The following C2CD5 variants were observed in gnomAD, a reference collection of about 807,000 sequenced individuals.
C2CD5 encodes C2 calcium dependent domain containing 5.
In C2CD5, 109 loss-of-function variants were observed where a neutral mutation model predicts 130.3. The ratio of observed to expected loss-of-function variants is 0.84; its 90% CI spans 0.72 to 0.98. The LOEUF (loss-of-function observed/expected upper bound fraction) is 0.98, where lower values mean the gene tolerates loss of function less well. C2CD5 is among the 50% of genes least tolerant of loss of function. C2CD5 has a pLI of 0.00. For missense variants in C2CD5, 996 were observed against 1,261.8 expected, an observed-to-expected ratio of 0.79 and a Z score of 3.19; for synonymous variants, 454 against 429.2, an observed-to-expected ratio of 1.06 and a Z score of -0.71.
intron 15 of C2CD5, among the ~76,000 whole-genome samples, chr12:22,475,802 A>G (rs1018573182): frequency 5.3e-5 from 8 of 152,160 alleles, no homozygotes. Flanking sequence ...TCTGCCCTCT[A>G]TAAAGTTAAC....
At chr12:22,491,309 T>C (rs1490386258) in intron 11 of C2CD5, among the ~76,000 whole-genome samples, 2 of 152,156 alleles carry the variant, frequency 1.3e-5, no homozygotes, top group Non-Finnish European at 2.9e-5. Flanking sequence ...CCTGTGGCCT[T>C]CTTTTTTTTG....
intron 3 of C2CD5, among the ~76,000 whole-genome samples, chr12:22,529,686 A>C (rs1463206624): frequency 6.6e-6 from 1 of 152,220 alleles, no homozygotes; most frequent in African/African-American, 2.4e-5. Flanking sequence ...ATGCACTGCC[A>C]AAAGACTGCA....
At chr12:22,492,837 C>A (rs1946521433) in intron 11 of C2CD5, among the ~76,000 whole-genome samples, 2 of 152,064 alleles carry the variant, frequency 1.3e-5, no homozygotes, top group African/African-American at 4.8e-5. Context: ...AGACACATTG[C>A]AATTCGTTTA....
chr12:22,542,367 A>G lies in C2CD5; in HGVS notation c.90+1694T>C, dbSNP rs1017479351. The stretch of plus-strand genomic sequence containing the variant: ...TTGGAGGCTGCAGTGACCTGCATTC[A>G]GCTTCCTTGTCGCTCCTTATAAATA... On this transcript the variant is annotated intron_variant, in intron 2 of 26. Transcript: ENST00000446597. 5.3e-5 allele frequency among the ~76,000 whole-genome samples: 8 copies of G among 152,374 alleles called. 1 individual carries two copies. The highest frequency in any genetic ancestry group is 3.9e-4 in the Admixed American group (6 of 15,312).
Position 22,535,250 on chromosome 12 carries a change from A to G in C2CD5, c.177+8T>C. On this transcript the variant is annotated splice_region_variant and intron_variant, in intron 3 of 26. Coordinates refer to ENST00000446597, the MANE Select transcript of C2CD5 (RefSeq NM_001286176.2). Reference sequence around the variant, plus strand: ...TACACTCAAAAATGCTGACATTTAAAAACTTACCTCAAATTTAAACCACTC... The same window carrying G: ...TACACTCAAAAATGCTGACATTTAAGAACTTACCTCAAATTTAAACCACTC... 6.5e-7 allele frequency: 1 copy of G among 1,531,688 alleles called. No individual in the cohort carries two copies. Among genetic ancestry groups the G allele is most frequent in the Non-Finnish European group, 9.0e-7 (1 of 1,106,850 alleles). 94.9% of individuals were successfully genotyped at this position (1,531,688 alleles called of 1,614,324 possible).
At chr12:22,527,280 A>G (rs1271943066) in intron 4 of C2CD5, among the ~76,000 whole-genome samples, 3 of 150,150 alleles carry the variant, frequency 2.0e-5, no homozygotes, top group Admixed American at 2.0e-4. Context: ...ACTATTATTT[A>G]TTTTTAAAAA....
chr12:22,494,307 T>A (rs183300770), intron 10 of C2CD5, among the ~76,000 whole-genome samples: 1 of 152,126 alleles, frequency 6.6e-6, no homozygotes, highest in Non-Finnish European at 1.5e-5. Flanking sequence ...TAAGCTCTCA[T>A]TGTAATTTTT....
intron 26 of C2CD5, among the ~76,000 whole-genome samples, chr12:22,452,007 G>A (rs1478373621): frequency 1.3e-5 from 2 of 152,150 alleles, no homozygotes; most frequent in Non-Finnish European, 2.9e-5. Flanking sequence ...CTGAGGCATA[G>A]AGATAAGTTC....
chr12:22,531,043 T>C (rs1157170208), intron 3 of C2CD5, among the ~76,000 whole-genome samples: 2 of 152,174 alleles, frequency 1.3e-5, no homozygotes, highest in Non-Finnish European at 2.9e-5. Context: ...GGGGAAAGGC[T>C]ATCAAAATAA....
chr12:22,488,873 TGC>T (rs1945966641), intron 12 of C2CD5, among the ~76,000 whole-genome samples: 1 of 151,070 alleles, frequency 6.6e-6, no homozygotes. Context: ...AGAATTTTTT[TGC>T]TTTTTTTTTT....
At chr12:22,467,927 TAGAG>T (rs1942361318) in intron 22 of C2CD5, among the ~76,000 whole-genome samples, 1 of 152,186 alleles carries the variant, frequency 6.6e-6, no homozygotes, top group Non-Finnish European at 1.5e-5. Context: ...AAGGCAAACT[TAGAG>T]AGCTGAAATC....
chr12:22,471,977 T>G lies in C2CD5; in HGVS notation c.2258A>C (p.Asn753Thr). The G allele has an allele frequency of 1.9e-6, 3 of 1,598,324 alleles. No individual in the cohort carries two copies. Among genetic ancestry groups the G allele is most frequent in the Non-Finnish European group, 2.6e-6 (3 of 1,166,340 alleles). Reference sequence around the variant, plus strand: ...TCAGAAGGTTCCTACCTTGAGCAAATTTTCACAGAGATCATTAAAGTTCTT... The same window carrying G: ...TCAGAAGGTTCCTACCTTGAGCAAAGTTTCACAGAGATCATTAAAGTTCTT... ...LNKNFNDLCE[N>T]LLKSLYFKLR... Residue 753 changes from asparagine to threonine, a missense_variant, in exon 19 of 27, where the codon AAT (asparagine) becomes ACT (threonine). Coordinates refer to ENST00000446597, the MANE Select transcript of C2CD5 (RefSeq NM_001286176.2).
intron 5 of C2CD5, among the ~76,000 whole-genome samples, chr12:22,524,985 T>C (rs561211563): frequency 2.0e-5 from 3 of 152,310 alleles, no homozygotes; most frequent in South Asian, 4.1e-4. Context: ...AGAAAGCAGA[T>C]AATGAATTTT....
At chr12:22,490,705 A>G (rs1011458133) in intron 11 of C2CD5, among the ~76,000 whole-genome samples, 1 of 152,146 alleles carries the variant, frequency 6.6e-6, no homozygotes, top group African/African-American at 2.4e-5. Flanking sequence ...TTCTGAAACA[A>G]TATACAAAAT....
intron 25 of C2CD5, among the ~76,000 whole-genome samples, chr12:22,455,748 A>C (rs1000966175): frequency 2.0e-4 from 30 of 152,232 alleles, no homozygotes; most frequent in African/African-American, 6.5e-4. Flanking sequence ...GCAATGGCGC[A>C]ATCTCGGCTC....
chr12:22,522,623 C>A (rs947664605), intron 7 of C2CD5, among the ~76,000 whole-genome samples: 1 of 152,138 alleles, frequency 6.6e-6, no homozygotes, highest in Non-Finnish European at 1.5e-5. Flanking sequence ...AGTTTGCCAA[C>A]CTTGGCTTTA....
chr12:22,523,567 A>C lies in C2CD5; in HGVS notation c.659T>G (p.Val220Gly). Residue 220 changes from valine to glycine, a missense_variant, in exon 7 of 27, where the codon GTG (valine) becomes GGG (glycine). By Grantham distance (109) the Val-to-Gly change is moderately radical. Coordinates refer to ENST00000446597, the MANE Select transcript of C2CD5 (RefSeq NM_001286176.2). ...CAGATCGAAACACTGTAAGTACCCC[A>C]CAACTGCATTTCCTCTCATTTCAAG... ...KVLEMRGNAVVGYLQCFDLEG... is the reference protein window; with the variant it reads ...KVLEMRGNAVGGYLQCFDLEG... The C allele has an allele frequency of 6.2e-7, 1 of 1,614,042 alleles. No homozygotes were observed. Among genetic ancestry groups the C allele is most frequent in the South Asian group, 1.1e-5 (1 of 91,088 alleles).
intron 10 of C2CD5, among the ~76,000 whole-genome samples, chr12:22,503,925 T>G (rs1252071747): frequency 6.6e-6 from 1 of 152,210 alleles, no homozygotes; most frequent in African/African-American, 2.4e-5. Flanking sequence ...AAAGCACTTA[T>G]ATGTATATGT....
At chr12:22,452,737 T>C (rs545939171) in intron 26 of C2CD5, among the ~76,000 whole-genome samples, 16 of 152,282 alleles carry the variant, frequency 1.1e-4, no homozygotes, top group African/African-American at 3.6e-4. Context: ...GAAGTACCCT[T>C]CTGAAGAAAC....
Sources: allele counts gnomAD v4.1 joint callset (sites outside exome capture counted in the v4.1 genomes callset), GRCh38; gene constraint gnomAD v4.1.1; transcripts MANE v1.5; gene names NCBI Gene and HGNC (gene_info 2026-07-23, HGNC 2026-07-21).